GABBR2: variants seen among roughly 807,000 people sequenced by gnomAD.
GABBR2 encodes the protein G-protein coupled receptor 51.
Under a neutral mutation model 105.6 loss-of-function variants are expected in GABBR2, and 23 were observed. The observed-to-expected ratio is 0.22, with a 90% CI of 0.16 to 0.31. The LOEUF (loss-of-function observed/expected upper bound fraction) is 0.31. GABBR2 is among the 10% of genes least tolerant of loss of function. The pLI, the probability that GABBR2 is intolerant of heterozygous loss-of-function variation, is 1.00. For missense variants in GABBR2, 734 were observed against 1,245.5 expected (o/e 0.59, Z 6.18); for synonymous variants, 478 against 499.7 (o/e 0.96, Z 0.58).
chr9:98,391,977 C>T (rs952860747), intron 9 of GABBR2, among the ~76,000 whole-genome samples: 1 of 152,054 alleles, frequency 6.6e-6, no homozygotes, highest in African/African-American at 2.4e-5. Context: ...GTGAGCGGGG[C>T]TGAGAGCTGA....
At chr9:98,469,056 T>C (rs1826615437) in intron 6 of GABBR2, among the ~76,000 whole-genome samples, 1 of 152,202 alleles carries the variant, frequency 6.6e-6, no homozygotes, top group African/African-American at 2.4e-5. Context: ...CAGCAGTTTA[T>C]TCTCTCACAG....
chr9:98,311,073 C>A (rs745860129), intron 14 of GABBR2, 22 bp downstream of exon 14: 22 of 1,338,282 alleles, frequency 1.6e-5, no homozygotes, highest in Non-Finnish European at 2.0e-5. Flanking sequence ...CCCCTCAACA[C>A]TGTCTCCTGC....
At position 98,708,405 on chromosome 9, in the gene GABBR2, C is replaced by A; in HGVS notation, c.321+12G>T. ...CCCGAAGCCCCGACGGCAGGGGCAGCCGGACACTCACCTCCGTGTCATAGA... is the reference window on the plus strand; with the variant it reads ...CCCGAAGCCCCGACGGCAGGGGCAGACGGACACTCACCTCCGTGTCATAGA... On this transcript the variant is annotated intron_variant, in intron 1 of 18. Transcript: ENST00000259455. 7.2e-7 allele frequency: 1 copy of A among 1,393,662 alleles called. No individual in the cohort carries two copies. The highest frequency in any genetic ancestry group is 9.4e-7 in the Non-Finnish European group (1 of 1,058,498). 86.3% of individuals were successfully genotyped at this position (1,393,662 alleles called of 1,614,324 possible). A position where few individuals can be genotyped will look rare whatever the true frequency, so the allele number is the denominator to read the frequency against.
At chr9:98,674,454 G>GC (rs918272983) in intron 1 of GABBR2, among the ~76,000 whole-genome samples, 3 of 21,780 alleles carry the variant, frequency 1.4e-4, no homozygotes, top group South Asian at 4.7e-4. Context: ...AGTGCTGGGT[G>GC]CCTGGTGGGC....
intron 1 of GABBR2, among the ~76,000 whole-genome samples, chr9:98,610,328 G>A (rs1479517719): frequency 3.3e-5 from 5 of 152,222 alleles, no homozygotes; most frequent in Non-Finnish European, 7.3e-5. Context: ...TCAGGACACA[G>A]AGCCTGGCCC....
chr9:98,488,713 T>TG (rs917351437), intron 4 of GABBR2, among the ~76,000 whole-genome samples: 1 of 151,740 alleles, frequency 6.6e-6, no homozygotes, highest in Non-Finnish European at 1.5e-5. Flanking sequence ...TAAGAAGAAA[T>TG]GGGGGGAGAC....
At chr9:98,589,607 C>T (rs1829119824) in intron 1 of GABBR2, among the ~76,000 whole-genome samples, 1 of 151,956 alleles carries the variant, frequency 6.6e-6, no homozygotes, top group African/African-American at 2.4e-5. Context: ...AGTATATATG[C>T]CTTACATTTT....
chr9:98,682,267 C>CA (rs2131870464), intron 1 of GABBR2, among the ~76,000 whole-genome samples: 1 of 139,886 alleles, frequency 7.1e-6, no homozygotes, highest in South Asian at 2.3e-4. Flanking sequence ...CCAAAACAAA[C>CA]AAAAAACCGT....
chr9:98,401,425 T>C (rs529469136), intron 8 of GABBR2, among the ~76,000 whole-genome samples: 1 of 152,304 alleles, frequency 6.6e-6, no homozygotes, highest in African/African-American at 2.4e-5. Flanking sequence ...CTGTAAAATA[T>C]GCTGTCTTTT....
intron 2 of GABBR2, chr9:98,555,721 A>G (rs1828573059): frequency 6.6e-6 from 1 of 152,180 alleles, no homozygotes; most frequent in Non-Finnish European, 1.5e-5. Context: ...TTGAAATCAC[A>G]TCTGTCAGGG....
intron 1 of GABBR2, among the ~76,000 whole-genome samples, chr9:98,605,949 G>A (rs141672168): frequency 8.0e-5 from 12 of 150,726 alleles, no homozygotes; most frequent in Non-Finnish European, 1.2e-4. Context: ...TACAGGCCCC[G>A]GTGTGTGATG....
chr9:98,581,008 C>T (rs901936776), intron 1 of GABBR2: 1 of 152,278 alleles, frequency 6.6e-6, no homozygotes, highest in Non-Finnish European at 1.5e-5. Flanking sequence ...CTCCTCTGAT[C>T]TGTGACCCAT....
chr9:98,531,414 C>A (rs1828065572), intron 3 of GABBR2, among the ~76,000 whole-genome samples: 1 of 152,232 alleles, frequency 6.6e-6, no homozygotes, highest in African/African-American at 2.4e-5. Flanking sequence ...ACTAGTGGGC[C>A]ATCTGTCCCG....
Position 98,406,062 on chromosome 9 carries a change from T to A in GABBR2, c.1297+19A>T. On this transcript the variant is annotated intron_variant, in intron 8 of 18. Coordinates refer to ENST00000259455, the MANE Select transcript of GABBR2 (RefSeq NM_005458.8). Reference sequence around the variant, plus strand: ...TCTAAATTTTATCAGCTAGAAAGAATAAGCATCAAAATGCCTACCTTGAAA... The same window carrying A: ...TCTAAATTTTATCAGCTAGAAAGAAAAAGCATCAAAATGCCTACCTTGAAA... The A allele has an allele frequency of 7.4e-7, 1 of 1,343,970 alleles. No individual in the cohort carries two copies. The highest frequency in any genetic ancestry group is 1.1e-6 in the Non-Finnish European group (1 of 937,074). 83.3% of individuals were successfully genotyped at this position (1,343,970 alleles called of 1,614,324 possible). A position where few individuals can be genotyped will look rare whatever the true frequency, so the allele number is the denominator to read the frequency against.
intron 3 of GABBR2, among the ~76,000 whole-genome samples, chr9:98,512,342 G>A (rs547032046): frequency 0.021 from 3,155 of 149,874 alleles, 98 homozygotes; most frequent in African/African-American, 0.073. Context: ...CTTTGAAAAC[G>A]GGCACAAGAC....
At chr9:98,655,276 T>A (rs1460285295) in intron 1 of GABBR2, among the ~76,000 whole-genome samples, 1 of 152,006 alleles carries the variant, frequency 6.6e-6, no homozygotes, top group Non-Finnish European at 1.5e-5. Context: ...ACCACTCTGG[T>A]GGGGGATGTC....
intron 13 of GABBR2, among the ~76,000 whole-genome samples, chr9:98,343,747 A>G (rs1831255369): frequency 6.6e-6 from 1 of 151,980 alleles, no homozygotes; most frequent in Non-Finnish European, 1.5e-5. Context: ...AGTCCCAGCT[A>G]CTCAGGAGGC....
At chr9:98,612,436 C>A (rs1829517782) in intron 1 of GABBR2, among the ~76,000 whole-genome samples, 1 of 152,214 alleles carries the variant, frequency 6.6e-6, no homozygotes, top group Non-Finnish European at 1.5e-5. Context: ...GGGATTCAAG[C>A]ACTAGAGGGC....
At chr9:98,460,117 G>C (rs1234063921) in intron 6 of GABBR2, among the ~76,000 whole-genome samples, 3 of 152,214 alleles carry the variant, frequency 2.0e-5, no homozygotes, top group Non-Finnish European at 4.4e-5. Flanking sequence ...CTTTAAAATA[G>C]CAAGGTTGGC....
Sources: allele counts gnomAD v4.1 joint callset (sites outside exome capture counted in the v4.1 genomes callset), GRCh38; gene constraint gnomAD v4.1.1; transcripts MANE v1.5; gene names NCBI Gene and HGNC (gene_info 2026-07-23, HGNC 2026-07-21).